Variants in COL5A1 observed in about 807,000 individuals in gnomAD.
The protein encoded by COL5A1 is collagen alpha-1(V) chain.
A neutral mutation model predicts 263.7 loss-of-function variants in COL5A1; 16 were observed. That is an observed-to-expected ratio of 0.06 (90% CI 0.04 to 0.09). The LOEUF (loss-of-function observed/expected upper bound fraction) is 0.09, where lower values mean the gene tolerates loss of function less well. Among genes scored for constraint, COL5A1 ranks in the 10% least tolerant of loss-of-function variants. The pLI, the probability that COL5A1 is intolerant of heterozygous loss-of-function variation, is 1.00. For missense variants in COL5A1, 2,036 were observed against 2,540.5 expected, an observed-to-expected ratio of 0.80 and a Z score of 4.27; for synonymous variants, 1,012 against 1,004.5, an observed-to-expected ratio of 1.01 and a Z score of -0.14.
At position 134,742,597 on chromosome 9, in the gene COL5A1, C is replaced by G. The variant is rs1284974654; in HGVS notation, c.1494+3789C>G. Reference sequence around the variant, plus strand: ...TCTTACTTTGAGGTTCAGAGGAAACCCAAGAGAGCTGGGAGTCCCCAAGTG... The same window carrying G: ...TCTTACTTTGAGGTTCAGAGGAAACGCAAGAGAGCTGGGAGTCCCCAAGTG... On this transcript the variant is annotated intron_variant, in intron 11 of 65. Coordinates refer to ENST00000371817, the MANE Select transcript of COL5A1 (RefSeq NM_000093.5). This position sits in a 1 kb window ranked among gnomAD's most constrained non-coding sequence, Gnocchi z 4.6. Among the ~76,000 whole-genome samples, 1 of 152,184 alleles carries G rather than the reference C, an allele frequency of 6.6e-6. No homozygotes were observed. Among genetic ancestry groups the G allele is most frequent in the Non-Finnish European group, 1.5e-5 (1 of 68,042 alleles).
At chr9:134,777,894 GCTGAGCAGGCTCAACC>G (rs968116296) in intron 27 of COL5A1, among the ~76,000 whole-genome samples, 7 of 152,250 alleles carry the variant, frequency 4.6e-5, no homozygotes, top group African/African-American at 1.7e-4. Flanking sequence ...ATCAGACGCT[GCTGAGCAGGCTCAACC>G]CTGATTGTAT....
chr9:134,730,369 A>G lies in COL5A1; in HGVS notation c.1058A>G (p.Asp353Gly). ...SEDYYTPSPY[D>G]DLTYGEGEEN... ...GACTACTACACGCCCTCACCGTATG[A>G]TGACCTCACCTATGGCGAGGGGGAG... is the stretch of plus-strand genomic sequence containing the variant. Residue 353 changes from aspartate to glycine, a missense_variant, in exon 7 of 66, where the codon GAT (aspartate) becomes GGT (glycine). Asp to Gly is a moderately conservative substitution (Grantham distance 94). Coordinates refer to ENST00000371817, the MANE Select transcript of COL5A1 (RefSeq NM_000093.5). 6.2e-7 allele frequency: 1 copy of G among 1,614,242 alleles called. No individual in the cohort carries two copies. Among genetic ancestry groups the G allele is most frequent in the Non-Finnish European group, 8.5e-7 (1 of 1,180,042 alleles).
At chr9:134,797,361 C>T (rs190626562) in intron 36 of COL5A1, among the ~76,000 whole-genome samples, 3 of 152,292 alleles carry the variant, frequency 2.0e-5, no homozygotes. Flanking sequence ...GGTACCAGGC[C>T]TCTCCCGGGG....
chr9:134,759,061 T>G (rs1836103864), intron 18 of COL5A1, among the ~76,000 whole-genome samples: 2 of 152,068 alleles, frequency 1.3e-5, no homozygotes, highest in South Asian at 4.1e-4. Context: ...TCTCAGCCCA[T>G]TTGGGGGCCT....
In COL5A1 at chr9:134,794,218, G is replaced by A. The variant is rs1837815747; in HGVS notation, c.2701-864G>A. On this transcript the variant is annotated intron_variant, in intron 32 of 65. Coordinates refer to ENST00000371817, the MANE Select transcript of COL5A1 (RefSeq NM_000093.5). This position sits in a 1 kb window ranked among gnomAD's most constrained non-coding sequence, Gnocchi z 4.3. ...TGTAGTCTGTCCCAGCAACTCAGGA[G>A]GCTGAGGCAGGAGAATCGCTTGAAC... Among the ~76,000 whole-genome samples the A allele has an allele frequency of 3.3e-5, 5 of 152,170 alleles. No individual in the cohort carries two copies.
rs150796586 is a variant in COL5A1, at chr9:134,667,476, C to T, written c.110-23436C>T. 3.9e-4 allele frequency among the ~76,000 whole-genome samples: 60 copies of T among 152,238 alleles called. 1 individual carries two copies. The East Asian group carries it at 0.011, about 29-fold the overall frequency. Reference sequence around the variant, plus strand: ...GTTGATGGCTTGGAAGTGGTGTGGCCGGTGACCTCCAGCCCTGCCAGCACC... The same window carrying T: ...GTTGATGGCTTGGAAGTGGTGTGGCTGGTGACCTCCAGCCCTGCCAGCACC... On this transcript the variant is annotated intron_variant, in intron 1 of 65. Coordinates refer to ENST00000371817, the MANE Select transcript of COL5A1 (RefSeq NM_000093.5).
chr9:134,671,850 C>T (rs184093591), intron 1 of COL5A1, among the ~76,000 whole-genome samples: 15 of 152,328 alleles, frequency 9.8e-5, no homozygotes, highest in East Asian at 3.9e-4. Flanking sequence ...AAGTGCTGTC[C>T]GATGCCAGGG....
chr9:134,705,707 C>T (rs3109690), intron 4 of COL5A1, among the ~76,000 whole-genome samples: 76,032 of 152,040 alleles, frequency 0.5, 19,384 homozygotes, highest in Admixed American at 0.64. Flanking sequence ...GAGAGCTGCT[C>T]TCTGGCCCAT....
intron 65 of COL5A1, among the ~76,000 whole-genome samples, chr9:134,835,843 G>A (rs1335475929): frequency 2.6e-5 from 4 of 152,210 alleles, no homozygotes; most frequent in Non-Finnish European, 5.9e-5. Flanking sequence ...GCTCACCTCC[G>A]CTAAGGTCCC....
chr9:134,808,128 A>G (rs918368268), intron 42 of COL5A1, among the ~76,000 whole-genome samples: 8 of 152,208 alleles, frequency 5.3e-5, no homozygotes, highest in African/African-American at 1.9e-4. Context: ...GAGGAGCAGG[A>G]CATGAATTGT....
intron 65 of COL5A1, among the ~76,000 whole-genome samples, chr9:134,839,469 G>T (rs1839952997): frequency 6.6e-6 from 1 of 152,198 alleles, no homozygotes; most frequent in African/African-American, 2.4e-5. Context: ...TGGTGCCATC[G>T]CTGAGAAGGG....
chr9:134,746,144 G>A (rs1047888665), intron 11 of COL5A1, among the ~76,000 whole-genome samples: 3 of 152,320 alleles, frequency 2.0e-5, no homozygotes, highest in African/African-American at 4.8e-5. Flanking sequence ...ATGCACGTAC[G>A]TGTTCTGCAC....
chr9:134,727,316 T>G lies in COL5A1; in HGVS notation c.705T>G (p.Asp235Glu). The change falls in exon 5 of 66, where the codon GAT becomes GAG. Residue 235 changes from aspartate (D) to glutamate (E), a missense_variant. Around this residue, in one of 3 missense-constraint regions of COL5A1, gnomAD observed 600 missense variants for 634.5 expected, o/e 0.95. Transcript: ENST00000371817. The part of the protein sequence containing the change: ...LFVSDHRAAY[D>E]YCEHYSPDCD... ...TCTCGGACCACCGGGCAGCTTATGA[T>G]TACTGTGAGCACTACAGCCCTGACT... The G allele has an allele frequency of 6.2e-7, 1 of 1,614,062 alleles. No individual in the cohort carries two copies. The highest frequency in any genetic ancestry group is 1.1e-5 in the South Asian group (1 of 91,074).
In COL5A1 at chr9:134,825,861, C is replaced by G; in HGVS notation, c.5024C>G (p.Ala1675Gly). Reference sequence around the variant, plus strand: ...TTCAAGGTTTACTGCAACTTCACAGCCGGGGGGTCGACATGCGTCTTCCCT... The same window carrying G: ...TTCAAGGTTTACTGCAACTTCACAGGCGGGGGGTCGACATGCGTCTTCCCT... ...DSFKVYCNFT[A>G]GGSTCVFPDK... Residue 1675 changes from alanine to glycine, a missense_variant, in exon 63 of 66, where the codon GCC (alanine) becomes GGC (glycine). Coordinates refer to ENST00000371817, the MANE Select transcript of COL5A1 (RefSeq NM_000093.5). 1 of 1,613,368 alleles carries G rather than the reference C, an allele frequency of 6.2e-7. No individual in the cohort carries two copies. The highest frequency in any genetic ancestry group is 1.7e-5 in the Admixed American group (1 of 59,990).
intron 17 of COL5A1, 78 bp downstream of exon 17, chr9:134,756,896 C>T: frequency 7.3e-7 from 1 of 1,367,370 alleles, no homozygotes; most frequent in Non-Finnish European, 1.0e-6. Flanking sequence ...AACCAAAATG[C>T]TGGTTATGTG....
chr9:134,802,051 C>T, intron 38 of COL5A1, 44 bp downstream of exon 38: 1 of 1,591,158 alleles, frequency 6.3e-7, no homozygotes, highest in Non-Finnish European at 8.6e-7. Context: ...CTCGGTGTCA[C>T]TTGCCCACAG....
At position 134,824,875 on chromosome 9, in the gene COL5A1, G is replaced by A; in HGVS notation, c.4954+20G>A. 6.2e-7 allele frequency: 1 copy of A among 1,603,394 alleles called. No individual in the cohort carries two copies. Among genetic ancestry groups the A allele is most frequent in the Non-Finnish European group, 8.5e-7 (1 of 1,176,558 alleles). On this transcript the variant is annotated intron_variant, in intron 62 of 65. Transcript: ENST00000371817. ...CAGATGGTGAGGGCCTGGGGGGGCA[G>A]GGGTGGCCCCCCAAAGCGGGCATGG...
intron 63 of COL5A1, among the ~76,000 whole-genome samples, chr9:134,827,996 G>C (rs986051912): frequency 2.6e-5 from 4 of 152,200 alleles, no homozygotes; most frequent in Non-Finnish European, 5.9e-5. Flanking sequence ...CACAAGGCCA[G>C]CTCAAGAAGA....
At position 134,752,575 on chromosome 9, in the gene COL5A1, A is replaced by C. The variant is rs761509290; in HGVS notation, c.1663-14A>C. The C allele has an allele frequency of 3.1e-6, 5 of 1,610,614 alleles. No homozygotes were observed. In the South Asian group the frequency reaches 3.3e-5, roughly 11 times the overall value. On this transcript the variant is annotated splice_polypyrimidine_tract_variant and intron_variant, in intron 13 of 65. Coordinates refer to ENST00000371817, the MANE Select transcript of COL5A1 (RefSeq NM_000093.5). ...CTGGGGCCCTGTCTCAGCGTGTCTCACTTTCCTTTGCAGTTGGCACTGAGG... is the reference window on the plus strand; with the variant it reads ...CTGGGGCCCTGTCTCAGCGTGTCTCCCTTTCCTTTGCAGTTGGCACTGAGG...
Sources: gnomAD v4.1 joint callset for allele counts (sites outside exome capture counted in the v4.1 genomes callset) on GRCh38, gnomAD v4.1.1 for gene constraint, gnomAD v4.1.1 regional missense constraint, Gnocchi (gnomAD v3.1) non-coding constraint, MANE v1.5 for transcripts, NCBI Gene and HGNC (gene_info 2026-07-23, HGNC 2026-07-21) for gene names.